CLNK: variants seen among roughly 807,000 people sequenced by gnomAD.
The protein encoded by CLNK is cytokine dependent hematopoietic cell linker.
In CLNK, 74 loss-of-function variants were observed where a neutral mutation model predicts 68.6. That is an observed-to-expected ratio of 1.08 (90% CI 0.89 to 1.31). The LOEUF is 1.31. CLNK is among the 50% of genes most tolerant of loss of function. The pLI, the probability that CLNK is intolerant of heterozygous loss-of-function variation, is 0.00. For synonymous variants in CLNK, 198 were observed against 172.2 expected (o/e 1.15, Z -1.17); for missense variants, 553 against 515.3 (o/e 1.07, Z -0.71).
intron 2 of CLNK, among the ~76,000 whole-genome samples, chr4:10,662,156 G>A (rs894230567): frequency 1.3e-5 from 2 of 152,110 alleles, no homozygotes; most frequent in African/African-American, 4.8e-5. Flanking sequence ...GTCTGCTGGG[G>A]AGCATCACAA....
intron 2 of CLNK, among the ~76,000 whole-genome samples, chr4:10,650,603 C>T (rs565544831): frequency 6.6e-6 from 1 of 152,180 alleles, no homozygotes; most frequent in East Asian, 1.9e-4. Context: ...TGAGAGAAAA[C>T]AACTGTCAAT....
chr4:10,500,386 A>G (rs187326013), intron 18 of CLNK, among the ~76,000 whole-genome samples: 3 of 152,338 alleles, frequency 2.0e-5, no homozygotes, highest in Admixed American at 1.3e-4. Flanking sequence ...GAGGATCAAA[A>G]TAAGATACTG....
At chr4:10,732,553 G>A in the CLNK span, among the ~76,000 whole-genome samples, 3 of 152,188 alleles carry the variant, frequency 2.0e-5, no homozygotes, top group African/African-American at 4.8e-5. Flanking sequence ...AAGGACAGGG[G>A]TTCAAGCTCT....
At chr4:10,537,727 C>G (rs1359958268) in intron 11 of CLNK, among the ~76,000 whole-genome samples, 1 of 121,198 alleles carries the variant, frequency 8.3e-6, no homozygotes, top group South Asian at 2.8e-4. Context: ...TTCTTTCTTT[C>G]TTTCTTTCTT....
At chr4:10,630,908 C>A (rs548252140) in intron 2 of CLNK, among the ~76,000 whole-genome samples, 2 of 151,996 alleles carry the variant, frequency 1.3e-5, no homozygotes, top group South Asian at 2.1e-4. Context: ...TATCTCCAGG[C>A]GTATTTGCCA....
intron 2 of CLNK, among the ~76,000 whole-genome samples, chr4:10,667,312 T>C (rs904734088): frequency 1.3e-5 from 2 of 151,878 alleles, no homozygotes; most frequent in Non-Finnish European, 2.9e-5. Flanking sequence ...CACCAAACTT[T>C]GCCAATTTCA....
chr4:10,523,690 C>G (rs1406550356), intron 14 of CLNK, among the ~76,000 whole-genome samples: 2 of 152,108 alleles, frequency 1.3e-5, no homozygotes, highest in African/African-American at 4.8e-5. Flanking sequence ...TATTTTTTCA[C>G]TATAATATAA....
intron 18 of CLNK, among the ~76,000 whole-genome samples, chr4:10,497,681 CA>C (rs1157718019): frequency 1.3e-5 from 2 of 152,130 alleles, no homozygotes; most frequent in African/African-American, 4.8e-5. Flanking sequence ...CAAAGTGGGG[CA>C]TGTTGGAAAA....
chr4:10,495,605 G>C (rs1239150208), intron 18 of CLNK, among the ~76,000 whole-genome samples: 1 of 152,172 alleles, frequency 6.6e-6, no homozygotes, highest in Non-Finnish European at 1.5e-5. Context: ...TCTGGAATAT[G>C]ACCTTACATT....
rs1424208642 is a variant in CLNK, at chr4:10,647,323, T to A, written c.11+20536A>T. Among the ~76,000 whole-genome samples the A allele has an allele frequency of 3.3e-5, 5 of 152,296 alleles. No individual in the cohort carries two copies. In the East Asian group the frequency reaches 9.6e-4, roughly 29 times the overall value. Reference sequence around the variant, plus strand: ...CAGGCTTGTTGGAGGTCCTTGGACATTTTCAGTTTCTGTCTTCTATATTAT... The same window carrying A: ...CAGGCTTGTTGGAGGTCCTTGGACAATTTCAGTTTCTGTCTTCTATATTAT... On this transcript the variant is annotated intron_variant, in intron 2 of 18. Transcript: ENST00000226951.
At chr4:10,577,998 C>G (rs1272818267) in intron 4 of CLNK, among the ~76,000 whole-genome samples, 1 of 152,076 alleles carries the variant, frequency 6.6e-6, no homozygotes, top group African/African-American at 2.4e-5. Flanking sequence ...AGCCATGTGA[C>G]CTCAGGCAAA....
chr4:10,576,134 G>C (rs1037379500), intron 4 of CLNK, among the ~76,000 whole-genome samples: 1 of 152,116 alleles, frequency 6.6e-6, no homozygotes, highest in Non-Finnish European at 1.5e-5. Flanking sequence ...TGTCAGAACC[G>C]GGAAGCAGCG....
intron 17 of CLNK, among the ~76,000 whole-genome samples, chr4:10,507,370 C>A (rs1388462608): frequency 6.6e-6 from 1 of 151,884 alleles, no homozygotes; most frequent in Admixed American, 6.6e-5. Context: ...CCTCATCCTG[C>A]AAAGTGCTGG....
At chr4:10,681,284 C>T (rs763797235) in intron 1 of CLNK, among the ~76,000 whole-genome samples, 40 of 152,192 alleles carry the variant, frequency 2.6e-4, no homozygotes, top group Non-Finnish European at 5.9e-5. Context: ...TGAGCTCCAT[C>T]AACTCTGTGT....
At chr4:10,607,162 A>G (rs1721822239) in intron 2 of CLNK, among the ~76,000 whole-genome samples, 1 of 152,182 alleles carries the variant, frequency 6.6e-6, no homozygotes, top group Non-Finnish European at 1.5e-5. Context: ...ACGGGGGAAA[A>G]GGTGCATCCA....
chr4:10,575,711 A>G (rs945513077), intron 4 of CLNK, among the ~76,000 whole-genome samples: 9 of 152,236 alleles, frequency 5.9e-5, no homozygotes, highest in African/African-American at 1.9e-4. Context: ...TCTTGCCTTG[A>G]TAGCTGGGCA....
chr4:10,602,975 G>T (rs1721646410), intron 2 of CLNK, among the ~76,000 whole-genome samples: 1 of 152,204 alleles, frequency 6.6e-6, no homozygotes, highest in Admixed American at 6.5e-5. Context: ...CCTACTCCGA[G>T]AGTTAAAGAC....
At chr4:10,548,678 T>C (rs1281752485) in intron 8 of CLNK, among the ~76,000 whole-genome samples, 1 of 152,182 alleles carries the variant, frequency 6.6e-6, no homozygotes, top group African/African-American at 2.4e-5. Flanking sequence ...ATTGATTTCC[T>C]TGCATGGTGT....
chr4:10,734,292 A>G, the CLNK span, among the ~76,000 whole-genome samples: 1 of 152,206 alleles, frequency 6.6e-6, no homozygotes, highest in Non-Finnish European at 1.5e-5. Flanking sequence ...TCTACGATTG[A>G]TTGCATAGTT....
Sources: gnomAD v4.1 joint callset for allele counts (sites outside exome capture counted in the v4.1 genomes callset) on GRCh38, gnomAD v4.1.1 for gene constraint, MANE v1.5 for transcripts, NCBI Gene and HGNC (gene_info 2026-07-23, HGNC 2026-07-21) for gene names.